Variants in RYR3 observed in about 807,000 individuals in gnomAD.
The protein encoded by RYR3 is brain ryanodine receptor-calcium release channel.
Under a neutral mutation model 584.3 loss-of-function variants are expected in RYR3, and 207 were observed. The observed-to-expected ratio is 0.35, with a 90% CI of 0.32 to 0.40. The LOEUF is 0.40. Ranked by LOEUF, RYR3 falls within the 10% of genes least tolerant of loss-of-function variation. RYR3 has a pLI of 1.00. For missense variants in RYR3, 5,616 were observed against 6,089.2 expected (o/e 0.92, Z 2.59); for synonymous variants, 2,416 against 2,248.5 (o/e 1.07, Z -2.11).
intron 1 of RYR3, among the ~76,000 whole-genome samples, chr15:33,342,927 A>G (rs574706406): frequency 1.1e-4 from 16 of 152,340 alleles, no homozygotes; most frequent in Admixed American, 2.6e-4. Context: ...TCTAGATACC[A>G]TGGGGGTCTA....
At chr15:33,689,065 GT>G (rs1434895310) in intron 38 of RYR3, among the ~76,000 whole-genome samples, 2 of 152,018 alleles carry the variant, frequency 1.3e-5, no homozygotes, top group Admixed American at 1.3e-4. Context: ...ATGAGTTCAT[GT>G]CCTTTGCAGA....
chr15:33,642,397 G>A (rs1408134167), intron 27 of RYR3, among the ~76,000 whole-genome samples: 1 of 152,190 alleles, frequency 6.6e-6, no homozygotes. Context: ...ACCTATACTG[G>A]TGGTTTTCTT....
chr15:33,335,088 A>G (rs562581647), intron 1 of RYR3, among the ~76,000 whole-genome samples: 2 of 152,326 alleles, frequency 1.3e-5, no homozygotes, highest in African/African-American at 4.8e-5. Context: ...TGGGAGTGTA[A>G]ATTAGTTCAA....
At chr15:33,599,760 C>T (rs1362531574) in intron 16 of RYR3, among the ~76,000 whole-genome samples, 1 of 152,206 alleles carries the variant, frequency 6.6e-6, no homozygotes, top group Non-Finnish European at 1.5e-5. Flanking sequence ...AAGTTTATCT[C>T]CATTCCCCAG....
chr15:33,488,853 AAAACAAAC>A (rs368886639), intron 2 of RYR3, among the ~76,000 whole-genome samples: 1 of 152,176 alleles, frequency 6.6e-6, no homozygotes, highest in African/African-American at 2.4e-5. Context: ...TCTATCTCAA[AAAACAAAC>A]AAACAAACAA....
At position 33,865,491 on chromosome 15, in the gene RYR3, C is replaced by T. The variant is rs573662020; in HGVS notation, c.*265C>T. The T allele has an allele frequency of 9.8e-6, 4 of 406,266 alleles. No homozygotes were observed. Among genetic ancestry groups the T allele is most frequent in the East Asian group, 4.2e-5 (1 of 23,684 alleles). 25.2% of individuals were successfully genotyped at this position (406,266 alleles called of 1,614,324 possible). A position where few individuals can be genotyped will look rare whatever the true frequency, so the allele number is the denominator to read the frequency against. ...CTCTAGGCAAATGCCTTCAAGTTTT[C>T]CAGTTCTGAGGTAACTAGTTCAGTT... On this transcript the variant is annotated 3_prime_UTR_variant, in exon 104 of 104. Coordinates refer to ENST00000634891, the MANE Select transcript of RYR3 (RefSeq NM_001036.6).
At chr15:33,750,887 A>C (rs2071225741) in intron 57 of RYR3, among the ~76,000 whole-genome samples, 1 of 151,688 alleles carries the variant, frequency 6.6e-6, no homozygotes, top group African/African-American at 2.4e-5. Flanking sequence ...CACAACCCCC[A>C]CAGGCCCTGG....
In RYR3 at chr15:33,780,199, C is replaced by T. The variant is rs201931445; in HGVS notation, c.9138-12C>T. The stretch of plus-strand genomic sequence containing the variant: ...GGGGGCCACACTTCTCAATGGACTT[C>T]TTTGTTTCCAGGCAACGCCCTGCCC... On this transcript the variant is annotated splice_polypyrimidine_tract_variant and intron_variant, in intron 64 of 103. Transcript: ENST00000634891. 18 of 1,612,562 alleles carry T rather than the reference C, an allele frequency of 1.1e-5. No individual in the cohort carries two copies. The highest frequency in any genetic ancestry group is 1.4e-5 in the Non-Finnish European group (17 of 1,179,168).
rs994710966 is a variant in RYR3, at chr15:33,577,563, A to G, written c.1269-2413A>G. ...ATGATGCTGGGAGAACTGGCGAGCC[A>G]TGTGCAGAAAATTGAAACTGGACCC... On this transcript the variant is annotated intron_variant, in intron 12 of 103. Transcript: ENST00000634891. Among the ~76,000 whole-genome samples the G allele has an allele frequency of 2.2e-4, 34 of 152,356 alleles. 1 individual carries two copies. The highest frequency in any genetic ancestry group is 7.9e-4 in the African/African-American group (33 of 41,576).
chr15:33,605,220 G>A (rs1241120939), intron 18 of RYR3, among the ~76,000 whole-genome samples: 1 of 152,182 alleles, frequency 6.6e-6, no homozygotes, highest in Non-Finnish European at 1.5e-5. Flanking sequence ...AGAAATTTGA[G>A]GAATGAATAC....
At chr15:33,725,974 C>CGCCG (rs2068391095) in intron 45 of RYR3, among the ~76,000 whole-genome samples, 1 of 37,622 alleles carries the variant, frequency 2.7e-5, no homozygotes, top group African/African-American at 7.3e-5. Context: ...CATCCCCCCC[C>CGCCG]CCAAAAAAAA....
chr15:33,328,758 G>A (rs1057070243), intron 1 of RYR3, among the ~76,000 whole-genome samples: 4 of 151,996 alleles, frequency 2.6e-5, no homozygotes, highest in Non-Finnish European at 2.9e-5. Context: ...CCCAGACCTC[G>A]CATTTATTCA....
At chr15:33,858,716 T>C (rs957039857) in intron 99 of RYR3, 1 of 145,752 alleles carries the variant, frequency 6.9e-6, no homozygotes, top group Non-Finnish European at 1.5e-5. Context: ...GGCCAGATCT[T>C]CGTGAGAAAA....
chr15:33,706,090 T>A (rs1286345768), intron 42 of RYR3, among the ~76,000 whole-genome samples: 2 of 152,062 alleles, frequency 1.3e-5, no homozygotes, highest in Admixed American at 1.3e-4. Flanking sequence ...TCCAGGGAAA[T>A]GGAAGCCTTT....
intron 25 of RYR3, among the ~76,000 whole-genome samples, chr15:33,634,970 C>T (rs530358195): frequency 1.6e-4 from 24 of 152,306 alleles, no homozygotes; most frequent in Middle Eastern, 3.4e-3. Context: ...ATTCCCACAA[C>T]GAATAGGTTA....
chr15:33,323,715 C>T (rs2140559959), intron 1 of RYR3, among the ~76,000 whole-genome samples: 1 of 152,302 alleles, frequency 6.6e-6, no homozygotes, highest in African/African-American at 2.4e-5. Flanking sequence ...GTGAAGGTTG[C>T]AGTCCAAGTC....
rs539367349 is a variant in RYR3, at chr15:33,353,588, T to A, written c.51+42492T>A. ...TGATTTTACCACTGAAAGTCCCACA[T>A]CCTAGAAACCCCATCTGGAATGGAT... On this transcript the variant is annotated intron_variant, in intron 1 of 103. Coordinates refer to ENST00000634891, the MANE Select transcript of RYR3 (RefSeq NM_001036.6). 5.3e-5 allele frequency among the ~76,000 whole-genome samples: 8 copies of A among 152,310 alleles called. No homozygotes were observed. In the East Asian group the frequency reaches 9.7e-4, roughly 18 times the overall value.
intron 64 of RYR3, among the ~76,000 whole-genome samples, chr15:33,773,835 A>G (rs2073803552): frequency 6.6e-6 from 1 of 152,230 alleles, no homozygotes; most frequent in Admixed American, 6.5e-5. Flanking sequence ...TAGCTGGCGA[A>G]TGTATGTGGC....
At chr15:33,786,108 C>T in intron 66 of RYR3, 126 bp downstream of exon 66, 3 of 756,462 alleles carry the variant, frequency 4.0e-6, no homozygotes, top group Non-Finnish European at 6.1e-6. Flanking sequence ...CCTCCCCATG[C>T]CCACCCCAGT....
Sources: gnomAD v4.1 joint callset for allele counts (sites outside exome capture counted in the v4.1 genomes callset) on GRCh38, gnomAD v4.1.1 for gene constraint, MANE v1.5 for transcripts, NCBI Gene and HGNC (gene_info 2026-07-23, HGNC 2026-07-21) for gene names.